The following KLF8 variants were observed in gnomAD, a reference collection of about 807,000 sequenced individuals.
KLF8 encodes Krueppel-like factor 8.
In KLF8, 10 loss-of-function variants were observed where a neutral mutation model predicts 18.2. That is an observed-to-expected ratio of 0.55 (90% CI 0.34 to 0.93). The LOEUF (loss-of-function observed/expected upper bound fraction) is 0.93. KLF8 is among the 40% of genes least tolerant of loss of function. The pLI, the probability that KLF8 is intolerant of heterozygous loss-of-function variation, is 0.02. For missense variants in KLF8, 264 were observed against 277.9 expected (o/e 0.95, Z 0.36); for synonymous variants, 109 against 97.3 (o/e 1.12, Z -0.71).
chrX:56,199,676 T>C, the KLF8 span, among the ~76,000 whole-genome samples: 3 of 111,678 alleles, frequency 2.7e-5, no homozygotes, highest in African/African-American at 9.8e-5. Flanking sequence ...AGTGTGGCGA[T>C]TTTTCAAGGA....
At chrX:56,219,457 G>A in the KLF8 span, among the ~76,000 whole-genome samples, 1 of 111,787 alleles carries the variant, frequency 8.9e-6, no homozygotes, top group African/African-American at 3.3e-5. Flanking sequence ...AACTGGGAAT[G>A]GGCCATTGCT....
the KLF8 span, among the ~76,000 whole-genome samples, chrX:56,114,881 C>T: frequency 2.7e-5 from 3 of 111,955 alleles, no homozygotes; most frequent in African/African-American, 9.7e-5. Context: ...GCATCAGAAG[C>T]GTTGGCTTCC....
At chrX:55,979,813 C>T in the KLF8 span, among the ~76,000 whole-genome samples, 1 of 111,663 alleles carries the variant, frequency 9.0e-6, no homozygotes, top group Non-Finnish European at 1.9e-5. Flanking sequence ...TGATGACAAA[C>T]TGGATATGGG....
the KLF8 span, among the ~76,000 whole-genome samples, chrX:56,059,882 C>A: frequency 9.0e-6 from 1 of 111,387 alleles, no homozygotes; most frequent in Non-Finnish European, 1.9e-5. Flanking sequence ...TTTTCTAATT[C>A]TGTGAAAAAA....
chrX:56,004,138 C>G, the KLF8 span, among the ~76,000 whole-genome samples: 4 of 111,923 alleles, frequency 3.6e-5, no homozygotes, highest in Non-Finnish European at 7.5e-5. Context: ...ATATCTGGAA[C>G]AGAAATGAAG....
At chrX:55,962,197 G>A in the KLF8 span, 1 of 164,215 alleles carries the variant, frequency 6.1e-6, no homozygotes, top group Admixed American at 7.1e-5. Flanking sequence ...ACCGAAATTT[G>A]CAAAAACAAT....
At chrX:56,032,365 C>A in the KLF8 span, among the ~76,000 whole-genome samples, 16 of 110,614 alleles carry the variant, frequency 1.4e-4, no homozygotes, top group Admixed American at 1.4e-3. Context: ...AAAATTTATT[C>A]TTTTTACATC....
the KLF8 span, among the ~76,000 whole-genome samples, chrX:56,169,262 T>C: frequency 1.8e-5 from 2 of 111,447 alleles, no homozygotes; most frequent in African/African-American, 6.5e-5. Flanking sequence ...ACTCAGCACA[T>C]TCCCAACCGC....
At chrX:56,191,748 C>T in the KLF8 span, among the ~76,000 whole-genome samples, 1 of 110,578 alleles carries the variant, frequency 9.0e-6, no homozygotes, top group Non-Finnish European at 1.9e-5. Context: ...TCAATTGATG[C>T]TAAAAATGCA....
At chrX:56,237,347 AAC>A (rs1396154816) in intron 1 of KLF8, among the ~76,000 whole-genome samples, 2 of 109,758 alleles carry the variant, frequency 1.8e-5, no homozygotes, top group Non-Finnish European at 3.8e-5. Context: ...TTACAAAATT[AAC>A]ACACTTATTC....
At chrX:56,152,820 T>A in the KLF8 span, among the ~76,000 whole-genome samples, 1 of 112,328 alleles carries the variant, frequency 8.9e-6, no homozygotes, top group African/African-American at 3.2e-5. Flanking sequence ...CAGTGTGTAC[T>A]AACAGAGTTA....
rs748772223 is a variant in KLF8, at chrX:56,284,233, G to C, written c.899-80G>C. Reference sequence around the variant, plus strand: ...AGCCTTTTCACTAAAGCCTTGATACGAGTTATGTATTCTATTATCTTTCTA... The same window carrying C: ...AGCCTTTTCACTAAAGCCTTGATACCAGTTATGTATTCTATTATCTTTCTA... On this transcript the variant is annotated intron_variant, in intron 5 of 5. Transcript: ENST00000468660. 4 of 776,900 alleles carry C rather than the reference G, an allele frequency of 5.1e-6. No individual in the cohort carries two copies. In the East Asian group the frequency reaches 1.1e-4, roughly 22 times the overall value. The allele number at this position is 776,900 out of a possible 1,213,427, so 64.0% of individuals were successfully genotyped here. A position where few individuals can be genotyped will look rare whatever the true frequency, so the allele number is the denominator to read the frequency against.
chrX:56,201,589 A>C, the KLF8 span, among the ~76,000 whole-genome samples: 1 of 111,665 alleles, frequency 9.0e-6, no homozygotes. Context: ...ATAAGAGAAT[A>C]GTTCTTATAT....
chrX:56,268,458 C>T (rs1356688694), intron 3 of KLF8: 1 of 112,557 alleles, frequency 8.9e-6, no homozygotes, highest in Non-Finnish European at 1.9e-5. Flanking sequence ...CACATACTCA[C>T]CAGCACTTAC....
At chrX:56,082,497 T>C in the KLF8 span, among the ~76,000 whole-genome samples, 2 of 110,659 alleles carry the variant, frequency 1.8e-5, no homozygotes, top group African/African-American at 6.5e-5. Flanking sequence ...TTCTGCTAGA[T>C]TTGGATTTAG....
chrX:55,985,820 G>T, the KLF8 span, among the ~76,000 whole-genome samples: 1 of 110,448 alleles, frequency 9.1e-6, no homozygotes, highest in East Asian at 2.8e-4. Flanking sequence ...GCAGTGGTTT[G>T]TAGTTCCCCT....
chrX:56,060,468 G>C, the KLF8 span, among the ~76,000 whole-genome samples: 1 of 112,066 alleles, frequency 8.9e-6, no homozygotes, highest in Non-Finnish European at 1.9e-5. Flanking sequence ...CATTGATTCT[G>C]TTTATGTGTT....
At chrX:56,259,602 G>T (rs1038305326) in intron 2 of KLF8, among the ~76,000 whole-genome samples, 1 of 110,349 alleles carries the variant, frequency 9.1e-6, no homozygotes. Flanking sequence ...GTGAAATCAT[G>T]CTCCTGGAAC....
At chrX:56,212,848 A>G in the KLF8 span, among the ~76,000 whole-genome samples, 1 of 111,678 alleles carries the variant, frequency 9.0e-6, no homozygotes, top group East Asian at 2.8e-4. Flanking sequence ...AGGAGAGACG[A>G]TTAGTGGATT....
Sources: gnomAD v4.1 joint callset for allele counts (sites outside exome capture counted in the v4.1 genomes callset) on GRCh38, gnomAD v4.1.1 for gene constraint, MANE v1.5 for transcripts, NCBI Gene and HGNC (gene_info 2026-07-23, HGNC 2026-07-21) for gene names.